GNB1: variants seen among roughly 807,000 people sequenced by gnomAD.
GNB1 encodes G protein subunit beta 1.
Under a neutral mutation model 42.9 loss-of-function variants are expected in GNB1, and 2 were observed. The observed-to-expected ratio is 0.05, with a 90% CI of 0.02 to 0.15. The LOEUF (loss-of-function observed/expected upper bound fraction) is 0.15, where lower values mean the gene tolerates loss of function less well. GNB1 is among the 10% of genes least tolerant of loss of function. GNB1 has a pLI of 1.00. For synonymous variants in GNB1, 183 were observed against 174.7 expected (o/e 1.05, Z -0.38); for missense variants, 193 against 462.2 (o/e 0.42, Z 5.34).
intron 1 of GNB1, among the ~76,000 whole-genome samples, chr1:1,875,038 C>T (rs75149126): frequency 0.011 from 1,661 of 152,230 alleles, 28 homozygotes; most frequent in African/African-American, 0.037. Context: ...GGTTCACGCT[C>T]CTATGAGAAT....
intron 5 of GNB1, among the ~76,000 whole-genome samples, chr1:1,813,376 G>A (rs1267600854): frequency 2.6e-5 from 4 of 152,122 alleles, no homozygotes; most frequent in African/African-American, 7.2e-5. Context: ...CTCCCAAAGT[G>A]CTGGGATTAC....
intron 1 of GNB1, among the ~76,000 whole-genome samples, chr1:1,861,640 T>G (rs1648633531): frequency 6.6e-6 from 1 of 151,476 alleles, no homozygotes; most frequent in Non-Finnish European, 1.5e-5. Flanking sequence ...CAAGAGAGGA[T>G]GTAAGGAAGA....
At chr1:1,820,070 A>G (rs1056186587) in intron 3 of GNB1, among the ~76,000 whole-genome samples, 6 of 152,132 alleles carry the variant, frequency 3.9e-5, no homozygotes, top group Non-Finnish European at 8.8e-5. Flanking sequence ...ATATGGAAAT[A>G]TATTGGTCAG....
intron 2 of GNB1, among the ~76,000 whole-genome samples, chr1:1,826,421 T>C (rs919866924): frequency 9.2e-5 from 14 of 151,596 alleles, no homozygotes; most frequent in Admixed American, 9.2e-4. Flanking sequence ...CATCTCAAAA[T>C]AAAAAAAATA....
chr1:1,876,828 G>A (rs1451263873), intron 1 of GNB1, among the ~76,000 whole-genome samples: 1 of 152,120 alleles, frequency 6.6e-6, no homozygotes, highest in African/African-American at 2.4e-5. Flanking sequence ...GAAAACTAAG[G>A]TAGAGACGTT....
At chr1:1,826,019 G>A (rs772412154) in intron 2 of GNB1, among the ~76,000 whole-genome samples, 31 of 152,142 alleles carry the variant, frequency 2.0e-4, no homozygotes, top group Non-Finnish European at 4.0e-4. Flanking sequence ...ATATTACAAT[G>A]TCTAAAATAC....
chr1:1,805,574 C>G (rs1199714454), intron 6 of GNB1, among the ~76,000 whole-genome samples: 6 of 151,910 alleles, frequency 3.9e-5, no homozygotes, highest in Non-Finnish European at 7.4e-5. Context: ...GAGTTTCGCT[C>G]TTGTTGCCCA....
intron 1 of GNB1, among the ~76,000 whole-genome samples, chr1:1,861,436 A>G (rs1648620645): frequency 6.6e-6 from 1 of 152,136 alleles, no homozygotes; most frequent in African/African-American, 2.4e-5. Context: ...TGACAGAGCA[A>G]GACCCTGTGT....
chr1:1,841,267 C>T (rs1647234766), intron 1 of GNB1, among the ~76,000 whole-genome samples: 1 of 152,008 alleles, frequency 6.6e-6, no homozygotes, highest in African/African-American at 2.4e-5. Context: ...TGGCTCACTG[C>T]AACCTCTGCA....
At chr1:1,879,486 C>T (rs886809199) in intron 1 of GNB1, among the ~76,000 whole-genome samples, 1 of 152,120 alleles carries the variant, frequency 6.6e-6, no homozygotes, top group Admixed American at 6.5e-5. Context: ...GCGGGCAGAT[C>T]ACGAGATCAG....
At chr1:1,827,731 A>AAG (rs1253027421) in intron 2 of GNB1, among the ~76,000 whole-genome samples, 1 of 152,146 alleles carries the variant, frequency 6.6e-6, no homozygotes, top group Non-Finnish European at 1.5e-5. Context: ...CACATGATCA[A>AAG]ATTATATTAT....
At chr1:1,815,369 C>T (rs1646839886) in intron 5 of GNB1, among the ~76,000 whole-genome samples, 1 of 152,184 alleles carries the variant, frequency 6.6e-6, no homozygotes, top group African/African-American at 2.4e-5. Context: ...GCACTGACAT[C>T]ACAAGAGGGC....
At chr1:1,864,040 T>C (rs184964529) in intron 1 of GNB1, among the ~76,000 whole-genome samples, 57 of 152,036 alleles carry the variant, frequency 3.7e-4, no homozygotes, top group African/African-American at 1.1e-3. Flanking sequence ...TTTAAAAAAT[T>C]TGCCAGGAGT....
At chr1:1,822,425 C>T (rs1646943079) in intron 3 of GNB1, among the ~76,000 whole-genome samples, 1 of 152,048 alleles carries the variant, frequency 6.6e-6, no homozygotes. Context: ...GCCTCAGCCT[C>T]CCAAGTAGTT....
intron 2 of GNB1, among the ~76,000 whole-genome samples, chr1:1,828,872 TGTACAC>T (rs1647034978): frequency 6.8e-6 from 1 of 147,772 alleles, no homozygotes; most frequent in Non-Finnish European, 1.5e-5. Context: ...CAAAACGCTG[TGTACAC>T]ACACACATAC....
At chr1:1,874,667 T>C (rs1397049116) in intron 1 of GNB1, among the ~76,000 whole-genome samples, 8 of 145,882 alleles carry the variant, frequency 5.5e-5, no homozygotes, top group African/African-American at 2.0e-4. Flanking sequence ...GGCACACGCC[T>C]GTAGTCCCAC....
intron 6 of GNB1, among the ~76,000 whole-genome samples, chr1:1,804,941 C>A (rs1355336406): frequency 6.6e-6 from 1 of 152,086 alleles, no homozygotes; most frequent in Admixed American, 6.6e-5. Flanking sequence ...GGGCAGATCA[C>A]CTGAGGTCAG....
At chr1:1,817,153 G>A (rs972008960) in intron 4 of GNB1, among the ~76,000 whole-genome samples, 6 of 152,094 alleles carry the variant, frequency 3.9e-5, no homozygotes, top group Non-Finnish European at 5.9e-5. Flanking sequence ...CTGTCTCAGT[G>A]AATGTTACTA....
chr1:1,853,651 TTCTAA>T (rs1316419558), intron 1 of GNB1, among the ~76,000 whole-genome samples: 2 of 152,196 alleles, frequency 1.3e-5, no homozygotes, highest in Admixed American at 6.5e-5. Context: ...ATAACCCATA[TTCTAA>T]ATCATCTGTG....
Sources: gnomAD v4.1 joint callset for allele counts (sites outside exome capture counted in the v4.1 genomes callset) on GRCh38, gnomAD v4.1.1 for gene constraint, MANE v1.5 for transcripts, NCBI Gene and HGNC (gene_info 2026-07-23, HGNC 2026-07-21) for gene names.